SULF2: variants seen among roughly 807,000 people sequenced by gnomAD.
SULF2 encodes the protein extracellular sulfatase Sulf-2.
A neutral mutation model predicts 107.7 loss-of-function variants in SULF2; 52 were observed. The ratio of observed to expected loss-of-function variants is 0.48; its 90% CI spans 0.39 to 0.61. The LOEUF (loss-of-function observed/expected upper bound fraction) is 0.61, where lower values mean the gene tolerates loss of function less well. SULF2 is among the 20% of genes least tolerant of loss of function. The pLI, the probability that SULF2 is intolerant of heterozygous loss-of-function variation, is 0.00. For synonymous variants in SULF2, 460 were observed against 464.3 expected (o/e 0.99, Z 0.12); for missense variants, 993 against 1,177.3 (o/e 0.84, Z 2.29).
intron 2 of SULF2, among the ~76,000 whole-genome samples, chr20:47,742,767 G>T (rs1179358429): frequency 6.6e-6 from 1 of 152,014 alleles, no homozygotes. Context: ...TAAGTCCATC[G>T]TTGATAAAAT....
rs556681310 is a variant in SULF2, at chr20:47,689,904, A to G, written c.737+222T>C. 841 of 401,792 alleles carry G rather than the reference A, an allele frequency of 2.1e-3. 3 individuals carry two copies. Among genetic ancestry groups the G allele is most frequent in the Non-Finnish European group, 3.1e-3 (727 of 233,040 alleles). The allele number at this position is 401,792 out of a possible 1,614,324, so 24.9% of individuals were successfully genotyped here. A position where few individuals can be genotyped will look rare whatever the true frequency, so the allele number is the denominator to read the frequency against. On this transcript the variant is annotated intron_variant, in intron 5 of 20. Transcript: ENST00000688720. The stretch of plus-strand genomic sequence containing the variant: ...CACACCTCTTGGTGGGAGGCCGTGT[A>G]TCCCAAGTTAAAAATTCTCCTGCCT...
At chr20:47,683,835 C>T (rs1054453498) in intron 6 of SULF2, among the ~76,000 whole-genome samples, 3 of 152,228 alleles carry the variant, frequency 2.0e-5, no homozygotes, top group African/African-American at 7.2e-5. Flanking sequence ...CTGATTCATG[C>T]GACACCAGGG....
chr20:47,755,220 G>A (rs2040897993), intron 2 of SULF2, among the ~76,000 whole-genome samples: 1 of 152,154 alleles, frequency 6.6e-6, no homozygotes, highest in African/African-American at 2.4e-5. Context: ...ATGGAGAGAA[G>A]AAATCTCTGT....
chr20:47,751,572 G>A (rs2090159049), intron 2 of SULF2, among the ~76,000 whole-genome samples: 1 of 152,162 alleles, frequency 6.6e-6, no homozygotes, highest in Admixed American at 6.5e-5. Flanking sequence ...CTGGAGAGCT[G>A]GCCTGAGAGT....
intron 2 of SULF2, among the ~76,000 whole-genome samples, chr20:47,754,352 C>T (rs544565696): frequency 2.6e-5 from 4 of 152,198 alleles, no homozygotes; most frequent in Admixed American, 1.3e-4. Context: ...TAGGACCACC[C>T]GCTGCATGCC....
intron 1 of SULF2, among the ~76,000 whole-genome samples, chr20:47,762,607 TC>T (rs2090440404): frequency 6.6e-6 from 1 of 152,184 alleles, no homozygotes; most frequent in Non-Finnish European, 1.5e-5. Flanking sequence ...TTGAACAAGT[TC>T]CTAAGAGTCT....
rs553100162 is a variant in SULF2, at chr20:47,659,565, G to A, written c.2529-113C>T. 1.1e-5 allele frequency: 15 copies of A among 1,382,874 alleles called. No individual in the cohort carries two copies. The East Asian group carries it at 2.7e-4, about 25-fold the overall frequency. The allele number at this position is 1,382,874 out of a possible 1,614,324, so 85.7% of individuals were successfully genotyped here. A position where few individuals can be genotyped will look rare whatever the true frequency, so the allele number is the denominator to read the frequency against. On this transcript the variant is annotated intron_variant, in intron 19 of 20. Coordinates refer to ENST00000688720, the MANE Select transcript of SULF2 (RefSeq NM_001387048.1). ...TAGGTGACACCTATCTTTGGTGGGT[G>A]ATCCTGGTCTCGGGCAGACCAGAGG...
chr20:47,761,120 T>G (rs923293568), intron 1 of SULF2, among the ~76,000 whole-genome samples: 1 of 152,236 alleles, frequency 6.6e-6, no homozygotes, highest in Admixed American at 6.5e-5. Context: ...AAACCATTAT[T>G]AGAGTGATCC....
chr20:47,685,609 G>A (rs897930800), intron 5 of SULF2: 2 of 151,608 alleles, frequency 1.3e-5, no homozygotes, highest in African/African-American at 4.9e-5. Flanking sequence ...TTGCCTCCTG[G>A]GTTCAAGTGA....
chr20:47,668,502 G>T (rs991229677), intron 11 of SULF2, among the ~76,000 whole-genome samples: 1 of 152,204 alleles, frequency 6.6e-6, no homozygotes, highest in Admixed American at 6.5e-5. Flanking sequence ...CACCAACAGG[G>T]AATGGGACAG....
At chr20:47,676,711 C>T in intron 9 of SULF2, 88 bp from the exon 10 acceptor site, 5 of 1,490,466 alleles carry the variant, frequency 3.4e-6, no homozygotes, top group Non-Finnish European at 4.5e-6. Flanking sequence ...GAGGGGTGCC[C>T]CCTCGGCTCC....
Position 47,703,661 on chromosome 20 carries a change from T to TAAACA in SULF2, c.416-992_416-991insTGTTT, listed in dbSNP as rs1331940340. The stretch of plus-strand genomic sequence containing the variant: ...TCTACCCAACAATTTAAATCTTGGG[T>TAAACA]ATTTACCCAACAGAAAAGTATTCAT... On this transcript the variant is annotated intron_variant, in intron 3 of 20. Coordinates refer to ENST00000688720, the MANE Select transcript of SULF2 (RefSeq NM_001387048.1). Among the ~76,000 whole-genome samples, 28 of 152,338 alleles carry TAAACA rather than the reference T, an allele frequency of 1.8e-4. No homozygotes were observed. The East Asian group carries it at 4.2e-3, about 23-fold the overall frequency.
chr20:47,722,742 G>A (rs1203158780), intron 3 of SULF2, among the ~76,000 whole-genome samples: 1 of 151,962 alleles, frequency 6.6e-6, no homozygotes, highest in African/African-American at 2.4e-5. Context: ...GACCAGCCTG[G>A]CCAATATGGT....
At chr20:47,676,354 T>G in intron 10 of SULF2, 140 bp downstream of exon 10, 1 of 898,068 alleles carries the variant, frequency 1.1e-6, no homozygotes, top group Non-Finnish European at 1.6e-6. Context: ...CCAAACAGCA[T>G]CTTGGGCACC....
chr20:47,737,171 T>G (rs1729938363), intron 2 of SULF2, among the ~76,000 whole-genome samples: 1 of 152,164 alleles, frequency 6.6e-6, no homozygotes, highest in South Asian at 2.1e-4. Flanking sequence ...GTCTGGAGTC[T>G]GGAGGATTTT....
intron 1 of SULF2, among the ~76,000 whole-genome samples, chr20:47,773,985 C>T (rs549793560): frequency 6.6e-6 from 1 of 152,368 alleles, no homozygotes. Context: ...ACCCAATCCA[C>T]AGGCGAGCGT....
In SULF2 at chr20:47,678,865, G is replaced by C. The variant is rs369365624; in HGVS notation, c.1065-61C>G. The stretch of plus-strand genomic sequence containing the variant: ...AGGTGGTGGTGCCTCAGCCTCGCGT[G>C]GGGGGTGGGGAGCGGTAGGTGGGCA... On this transcript the variant is annotated intron_variant, in intron 7 of 20. Transcript: ENST00000688720. The surrounding 1 kb of genome is among the most constrained non-coding windows in gnomAD (Gnocchi z 4.5). 3,061 of 1,488,040 alleles carry C rather than the reference G, an allele frequency of 2.1e-3. 7 individuals carry two copies. The highest frequency in any genetic ancestry group is 2.6e-3 in the Non-Finnish European group (2,805 of 1,077,836). The allele number at this position is 1,488,040 out of a possible 1,614,324, so 92.2% of individuals were successfully genotyped here. A position where few individuals can be genotyped will look rare whatever the true frequency, so the allele number is the denominator to read the frequency against.
chr20:47,757,128 G>C (rs1474887125), intron 2 of SULF2, 61 bp downstream of exon 2: 1 of 1,448,946 alleles, frequency 6.9e-7, no homozygotes, highest in African/African-American at 1.4e-5. Flanking sequence ...AGGAGCCTCA[G>C]CCTAACCCAG....
At chr20:47,670,435 G>A (rs59364615) in intron 11 of SULF2, among the ~76,000 whole-genome samples, 2,692 of 151,308 alleles carry the variant, frequency 0.018, 91 homozygotes, top group African/African-American at 0.062. Flanking sequence ...CAGGCAATCC[G>A]CCTGCCTTGG....
Sources: allele counts gnomAD v4.1 joint callset (sites outside exome capture counted in the v4.1 genomes callset), GRCh38; gene constraint gnomAD v4.1.1; non-coding constraint Gnocchi (gnomAD v3.1); transcripts MANE v1.5; gene names NCBI Gene and HGNC (gene_info 2026-07-23, HGNC 2026-07-21).